Variants in BTBD9 observed in about 807,000 individuals in gnomAD.
BTBD9 encodes the protein BTB domain containing 9, also known as BTB/POZ domain-containing protein 9.
A neutral mutation model predicts 64.3 loss-of-function variants in BTBD9; 49 were observed. The ratio of observed to expected loss-of-function variants is 0.76; its 90% CI spans 0.61 to 0.97. BTBD9 has a LOEUF of 0.97. BTBD9 is among the 50% of genes least tolerant of loss of function. BTBD9 has a pLI of 0.00. For synonymous variants in BTBD9, 260 were observed against 274.7 expected (o/e 0.95, Z 0.53); for missense variants, 598 against 762.1 (o/e 0.78, Z 2.53).
At chr6:38,587,825 T>C (rs1490869220) in intron 4 of BTBD9, 1 of 716,660 alleles carries the variant, frequency 1.4e-6, no homozygotes, top group South Asian at 1.4e-5. Flanking sequence ...GCAGCAAGTA[T>C]GTCAGCTTTT....
At chr6:38,579,754 T>G (rs568490622) in intron 5 of BTBD9, among the ~76,000 whole-genome samples, 2 of 152,286 alleles carry the variant, frequency 1.3e-5, no homozygotes, top group East Asian at 3.9e-4. Flanking sequence ...AAAAATACAT[T>G]TTAGAGGAAT....
intron 9 of BTBD9, among the ~76,000 whole-genome samples, chr6:38,193,636 T>C (rs1224562134): frequency 6.6e-6 from 1 of 152,144 alleles, no homozygotes; most frequent in Non-Finnish European, 1.5e-5. Context: ...GAGGAGTGCA[T>C]GGCACCCACG....
chr6:38,466,266 C>A (rs1770381313), intron 6 of BTBD9, among the ~76,000 whole-genome samples: 1 of 145,234 alleles, frequency 6.9e-6, no homozygotes, highest in Non-Finnish European at 1.5e-5. Flanking sequence ...AAAATCTGAG[C>A]TCCATGCTTC....
chr6:38,176,216 TAC>T (rs1287644273), intron 10 of BTBD9, among the ~76,000 whole-genome samples: 1 of 152,184 alleles, frequency 6.6e-6, no homozygotes, highest in Non-Finnish European at 1.5e-5. Flanking sequence ...TGCACATACA[TAC>T]ACACGGCCTT....
chr6:38,489,499 A>T (rs1051176233), intron 6 of BTBD9, among the ~76,000 whole-genome samples: 3 of 152,182 alleles, frequency 2.0e-5, no homozygotes, highest in Non-Finnish European at 2.9e-5. Flanking sequence ...AAATAATTAC[A>T]GTATTTTTTT....
intron 6 of BTBD9, among the ~76,000 whole-genome samples, chr6:38,552,564 C>T (rs1001442966): frequency 2.0e-5 from 3 of 151,868 alleles, no homozygotes; most frequent in Non-Finnish European, 4.4e-5. Flanking sequence ...GTCAAGAGTT[C>T]GAGACCAGGC....
At position 38,336,068 on chromosome 6, in the gene BTBD9, G is replaced by C. The variant is rs1207054346; in HGVS notation, c.1264+8916C>G. ...AGTTCTCTATAGCAGTGTGAAAATG[G>C]ACTAATACACATATGTACACACTGA... On this transcript the variant is annotated intron_variant, in intron 7 of 10. Transcript: ENST00000481247. Among the ~76,000 whole-genome samples the C allele has an allele frequency of 2.0e-5, 3 of 152,084 alleles. No homozygotes were observed. In the East Asian group the frequency reaches 5.8e-4, roughly 29 times the overall value.
At chr6:38,512,836 C>A (rs1183831914) in intron 6 of BTBD9, among the ~76,000 whole-genome samples, 1 of 152,038 alleles carries the variant, frequency 6.6e-6, no homozygotes. Flanking sequence ...TAGTTGAGAT[C>A]TAAGTACTTC....
rs139274938 is a variant in BTBD9 at position 38,205,539 on chromosome 6, C to T, written c.1563-12942G>A. On this transcript the variant is annotated intron_variant, in intron 9 of 10. Transcript: ENST00000481247. ...CCTTCATCCTCTCTTTGTATTTATGCGAAGAAAAATAAAAATAATAAAATA... is the reference window on the plus strand; with the variant it reads ...CCTTCATCCTCTCTTTGTATTTATGTGAAGAAAAATAAAAATAATAAAATA... Among the ~76,000 whole-genome samples, 1,003 of 151,778 alleles carry T rather than the reference C, an allele frequency of 6.6e-3. 10 individuals carry two copies. The highest frequency in any genetic ancestry group is 0.014 in the Middle Eastern group (4 of 294).
intron 6 of BTBD9, among the ~76,000 whole-genome samples, chr6:38,355,787 A>C (rs1320268638): frequency 6.6e-6 from 1 of 152,136 alleles, no homozygotes; most frequent in African/African-American, 2.4e-5. Context: ...TCCTGTGTTA[A>C]ACAGCCTGCA....
chr6:38,543,115 C>T lies in BTBD9; in HGVS notation c.1154+34485G>A, dbSNP rs560764818. ...TGTTCTACCTGTACAAGCCTTCTTTCTTGTCCTTGTTACCAATCTACAAAG... is the reference window on the plus strand; with the variant it reads ...TGTTCTACCTGTACAAGCCTTCTTTTTTGTCCTTGTTACCAATCTACAAAG... On this transcript the variant is annotated intron_variant, in intron 6 of 10. Transcript: ENST00000481247. 2.2e-3 allele frequency among the ~76,000 whole-genome samples: 342 copies of T among 152,322 alleles called. 3 individuals carry two copies. Among genetic ancestry groups the T allele is most frequent in the Non-Finnish European group, 4.3e-4 (29 of 68,028 alleles).
intron 6 of BTBD9, among the ~76,000 whole-genome samples, chr6:38,552,916 A>G (rs149767592): frequency 2.0e-5 from 3 of 152,298 alleles, no homozygotes; most frequent in African/African-American, 7.2e-5. Flanking sequence ...CACCAAGGAT[A>G]TCAAAATCTA....
intron 1 of BTBD9, among the ~76,000 whole-genome samples, chr6:38,637,256 CTTT>C (rs1778558231): frequency 6.6e-6 from 1 of 152,220 alleles, no homozygotes; most frequent in African/African-American, 2.4e-5. Flanking sequence ...GTCTTAACTT[CTTT>C]GTCTTCCCAG....
At chr6:38,636,963 T>C (rs1303577635) in intron 1 of BTBD9, among the ~76,000 whole-genome samples, 1 of 152,188 alleles carries the variant, frequency 6.6e-6, no homozygotes, top group Non-Finnish European at 1.5e-5. Flanking sequence ...CAACTCAAGA[T>C]ATTTCCAAAA....
chr6:38,402,007 C>T (rs1023825777), intron 6 of BTBD9, among the ~76,000 whole-genome samples: 6 of 151,658 alleles, frequency 4.0e-5, no homozygotes, highest in African/African-American at 1.5e-4. Flanking sequence ...TTTAAAATTG[C>T]TAATATAATC....
chr6:38,328,299 T>C (rs1362006026), intron 7 of BTBD9, among the ~76,000 whole-genome samples: 1 of 152,144 alleles, frequency 6.6e-6, no homozygotes, highest in East Asian at 1.9e-4. Flanking sequence ...AGAATGTTAC[T>C]GTATTAGGAG....
At chr6:38,536,584 C>A (rs1054079507) in intron 6 of BTBD9, among the ~76,000 whole-genome samples, 12 of 152,064 alleles carry the variant, frequency 7.9e-5, no homozygotes, top group African/African-American at 2.2e-4. Flanking sequence ...CCTAAGTGTC[C>A]ATCAACTGAC....
chr6:38,398,073 G>A (rs1016398606), intron 6 of BTBD9, among the ~76,000 whole-genome samples: 1 of 152,194 alleles, frequency 6.6e-6, no homozygotes, highest in Non-Finnish European at 1.5e-5. Context: ...TATGCCATAG[G>A]TGAAGAGGAG....
At chr6:38,602,070 A>G (rs908585471) in intron 1 of BTBD9, among the ~76,000 whole-genome samples, 2 of 152,218 alleles carry the variant, frequency 1.3e-5, no homozygotes, top group African/African-American at 2.4e-5. Context: ...ATCCAATATT[A>G]TAAAAAGATC....
Sources: allele counts gnomAD v4.1 joint callset (sites outside exome capture counted in the v4.1 genomes callset), GRCh38; gene constraint gnomAD v4.1.1; transcripts MANE v1.5; gene names NCBI Gene and HGNC (gene_info 2026-07-23, HGNC 2026-07-21).